The following FRMD4B variants were observed in gnomAD, a reference collection of about 807,000 sequenced individuals.
The protein encoded by FRMD4B is FERM domain containing 4B, also known as FERM domain-containing protein 4B.
FRMD4B carries 74 observed loss-of-function variants against 141.5 expected under a neutral mutation model. The ratio of observed to expected loss-of-function variants is 0.52; its 90% CI spans 0.43 to 0.63. FRMD4B has a LOEUF of 0.63. Ranked by LOEUF, FRMD4B falls within the 30% of genes least tolerant of loss-of-function variation. The pLI is 0.00. For synonymous variants in FRMD4B, 506 were observed against 467.9 expected (o/e 1.08, Z -1.05); for missense variants, 1,366 against 1,253.4 (o/e 1.09, Z -1.36).
At chr3:69,386,309 G>A (rs940166922), upstream of FRMD4B, 10 of 247,034 alleles carry the variant, frequency 4.0e-5, no homozygotes, top group Non-Finnish European at 6.9e-5. Flanking sequence ...AGCCCTGGCC[G>A]GCGAGGACTC....
chr3:69,484,015 A>G (rs1009683175), intron 1 of FRMD4B, among the ~76,000 whole-genome samples: 2 of 152,236 alleles, frequency 1.3e-5, no homozygotes, highest in Non-Finnish European at 2.9e-5. Context: ...AACTGCATTT[A>G]TTACATTCTC....
At chr3:69,205,578 A>G (rs2093016648) in intron 11 of FRMD4B, among the ~76,000 whole-genome samples, 1 of 151,946 alleles carries the variant, frequency 6.6e-6, no homozygotes, top group South Asian at 2.1e-4. Context: ...ACTCCTCCCA[A>G]CCATCAACCT....
At chr3:69,430,894 A>C (rs1321099563) in intron 2 of FRMD4B, among the ~76,000 whole-genome samples, 1 of 152,222 alleles carries the variant, frequency 6.6e-6, no homozygotes, top group African/African-American at 2.4e-5. Context: ...TCTCATATCC[A>C]TTGTTGATGA....
chr3:69,275,956 C>A (rs192699735), intron 5 of FRMD4B, among the ~76,000 whole-genome samples: 35 of 152,106 alleles, frequency 2.3e-4, no homozygotes, highest in African/African-American at 8.0e-4. Flanking sequence ...TATACATAAG[C>A]ACATAATAAA....
intron 7 of FRMD4B, among the ~76,000 whole-genome samples, chr3:69,232,023 G>T (rs1457602528): frequency 6.6e-6 from 1 of 152,170 alleles, no homozygotes; most frequent in Non-Finnish European, 1.5e-5. Flanking sequence ...TCCCTGGCCG[G>T]CTGGGCAGGA....
chr3:69,404,355 AT>A (rs1375914291), intron 2 of FRMD4B, among the ~76,000 whole-genome samples: 3 of 152,236 alleles, frequency 2.0e-5, no homozygotes, highest in African/African-American at 7.2e-5. Context: ...GGATTCTTTC[AT>A]AGTATTACTT....
At chr3:69,199,979 A>C (rs2092949780) in intron 11 of FRMD4B, among the ~76,000 whole-genome samples, 1 of 40,146 alleles carries the variant, frequency 2.5e-5, no homozygotes, top group African/African-American at 7.3e-5. Flanking sequence ...TGATTAGGGA[A>C]ATAACAGCAG....
At chr3:69,401,540 T>C (rs1031806881) in intron 2 of FRMD4B, among the ~76,000 whole-genome samples, 1 of 151,834 alleles carries the variant, frequency 6.6e-6, no homozygotes, top group Non-Finnish European at 1.5e-5. Flanking sequence ...AGGAGAAGAG[T>C]GTATCTTTCT....
chr3:69,537,281 G>C (rs557351186), intron 1 of FRMD4B, among the ~76,000 whole-genome samples: 1 of 152,204 alleles, frequency 6.6e-6, no homozygotes, highest in Admixed American at 6.5e-5. Context: ...TTTCCCACTG[G>C]AAAACTGTAC....
In FRMD4B at chr3:69,196,899, C is replaced by A. The variant is rs2092912271; in HGVS notation, c.1092+1G>T. On this transcript the variant is annotated splice_donor_variant, in intron 13 of 22. Coordinates refer to ENST00000398540, the MANE Select transcript of FRMD4B (RefSeq NM_015123.3). LOFTEE classifies it high-confidence loss of function. ...CTATAGAAATGATGCCAGTTACTTA[C>A]TTTGCTTTGCTTCCGGTCCAAGTAA... is the stretch of plus-strand genomic sequence containing the variant. 1.2e-6 allele frequency: 2 copies of A among 1,608,280 alleles called. No homozygotes were observed. The highest frequency in any genetic ancestry group is 1.7e-6 in the Non-Finnish European group (2 of 1,175,370).
intron 2 of FRMD4B, among the ~76,000 whole-genome samples, chr3:69,397,933 T>C (rs72937876): frequency 0.016 from 2,412 of 152,312 alleles, 67 homozygotes; most frequent in African/African-American, 0.055. Flanking sequence ...GAAAACATCT[T>C]AACTTGTACC....
intron 1 of FRMD4B, among the ~76,000 whole-genome samples, chr3:69,329,181 G>T (rs758760821): frequency 3.9e-5 from 6 of 152,062 alleles, no homozygotes; most frequent in Non-Finnish European, 5.9e-5. Context: ...ACAAACAGAG[G>T]CTTCAGGTTT....
At chr3:69,382,682 A>T (rs983279066) in intron 1 of FRMD4B, among the ~76,000 whole-genome samples, 2 of 150,898 alleles carry the variant, frequency 1.3e-5, no homozygotes, top group Non-Finnish European at 2.9e-5. Flanking sequence ...TGGCATCAGG[A>T]GTGGGTACAG....
intron 4 of FRMD4B, chr3:69,292,958 A>G (rs1210987041): frequency 2.3e-6 from 1 of 442,332 alleles, no homozygotes; most frequent in Non-Finnish European, 4.5e-6. Context: ...ATAGGCACAC[A>G]TTTTGGAGAC....
chr3:69,476,651 G>T (rs951311236), intron 1 of FRMD4B, among the ~76,000 whole-genome samples: 14 of 152,216 alleles, frequency 9.2e-5, no homozygotes, highest in African/African-American at 2.6e-4. Context: ...GCCTCCAGCT[G>T]TGTTCTTTTG....
intron 1 of FRMD4B, among the ~76,000 whole-genome samples, chr3:69,536,993 C>T (rs1394216503): frequency 6.6e-6 from 1 of 152,210 alleles, no homozygotes. Flanking sequence ...AGGAATCCTC[C>T]TGCCCTGGCC....
intron 7 of FRMD4B, among the ~76,000 whole-genome samples, chr3:69,243,096 CTGTT>C (rs1318095202): frequency 4.0e-5 from 6 of 151,612 alleles, no homozygotes; most frequent in Non-Finnish European, 7.4e-5. Context: ...CAGGAATTCT[CTGTT>C]TGTCTGTGTT....
At chr3:69,260,341 C>T (rs896070952) in intron 5 of FRMD4B, among the ~76,000 whole-genome samples, 10 of 152,200 alleles carry the variant, frequency 6.6e-5, no homozygotes, top group African/African-American at 2.4e-4. Context: ...TCCGGGTGGG[C>T]GTGGGCTCGG....
intron 2 of FRMD4B, among the ~76,000 whole-genome samples, chr3:69,405,265 A>G (rs17005825): frequency 0.022 from 3,400 of 152,340 alleles, 136 homozygotes; most frequent in African/African-American, 0.077. Flanking sequence ...AAAAGGGTAT[A>G]AAACCACAAC....
Sources: gnomAD v4.1 joint callset for allele counts (sites outside exome capture counted in the v4.1 genomes callset) on GRCh38, gnomAD v4.1.1 for gene constraint, MANE v1.5 for transcripts, NCBI Gene and HGNC (gene_info 2026-07-23, HGNC 2026-07-21) for gene names.